The following OMA1 variants were observed in gnomAD, a reference collection of about 807,000 sequenced individuals.
OMA1 encodes metalloendopeptidase OMA1, mitochondrial.
OMA1 carries 38 observed loss-of-function variants against 30.9 expected under a neutral mutation model. The observed-to-expected ratio is 1.23, with a 90% CI of 0.95 to 1.61. The LOEUF (loss-of-function observed/expected upper bound fraction) is 1.61, where lower values mean the gene tolerates loss of function less well. Among genes scored for constraint, OMA1 ranks in the 40% most tolerant of loss-of-function variants. The pLI is 0.00. For missense variants in OMA1, 461 were observed against 349.2 expected (o/e 1.32, Z -2.55); for synonymous variants, 173 against 121.9 (o/e 1.42, Z -2.76).
At position 58,533,731 on chromosome 1, in the gene OMA1, T is replaced by C. The variant is rs545352773; in HGVS notation, c.1011+222A>G. 1.1e-4 allele frequency among the ~76,000 whole-genome samples: 17 copies of C among 152,268 alleles called. No homozygotes were observed. In the East Asian group the frequency reaches 2.5e-3, roughly 22 times the overall value. On this transcript the variant is annotated intron_variant, in intron 5 of 8. Coordinates refer to ENST00000371226, the MANE Select transcript of OMA1 (RefSeq NM_145243.5). ...TAGCAAAAGAGACAGGTGATAAAAA[T>C]AGTATTTAAGAAAAATATTATTCAG...
At chr1:58,527,877 C>T (rs1318472673) in intron 6 of OMA1, among the ~76,000 whole-genome samples, 1 of 152,074 alleles carries the variant, frequency 6.6e-6, no homozygotes, top group East Asian at 1.9e-4. Flanking sequence ...CTTCTGACTT[C>T]AATAAAAAAC....
Position 58,482,830 on chromosome 1 carries a change from G to A in OMA1, c.1366-1656C>T, listed in dbSNP as rs564111888. 3.9e-5 allele frequency among the ~76,000 whole-genome samples: 6 copies of A among 152,246 alleles called. No homozygotes were observed. In the East Asian group the frequency reaches 9.7e-4, roughly 25 times the overall value. ...GAACAGTGAAGAAGCAGGTACAGCC[G>A]AGTGGAGCAGGGTGGAGGGCAGGAG... On this transcript the variant is annotated intron_variant, in intron 8 of 8. Transcript: ENST00000371226.
In OMA1 at chr1:58,539,304, T is replaced by G. The variant is rs1646566460; in HGVS notation, c.-10A>C. The G allele has an allele frequency of 1.2e-6, 1 of 815,492 alleles. No homozygotes were observed. The highest frequency in any genetic ancestry group is 2.2e-5 in the Admixed American group (1 of 45,332). The allele number at this position is 815,492 out of a possible 1,614,324, so 50.5% of individuals were successfully genotyped here. A position where few individuals can be genotyped will look rare whatever the true frequency, so the allele number is the denominator to read the frequency against. ...CACAGATGAAGCTCATTTTTTCACT[T>G]GACTACCTGAAACAAAAAAAAAACT... On this transcript the variant is annotated 5_prime_UTR_variant, in exon 2 of 9. Transcript: ENST00000371226.
intron 1 of OMA1, among the ~76,000 whole-genome samples, chr1:58,544,692 C>G (rs1379349159): frequency 6.6e-6 from 1 of 152,142 alleles, no homozygotes; most frequent in African/African-American, 2.4e-5. Context: ...CTCTTGGGTT[C>G]AAGCAATTCT....
chr1:58,481,326 A>G (rs1645479019), intron 8 of OMA1, 152 bp from the exon 9 acceptor site: 1 of 382,056 alleles, frequency 2.6e-6, no homozygotes, highest in African/African-American at 2.1e-5. Flanking sequence ...ATAAAAGAGA[A>G]CCACTGAAAA....
chr1:58,481,174 C>A lies in OMA1; in HGVS notation c.1366G>T (p.Ala456Ser). 1.2e-6 allele frequency: 1 copy of A among 811,280 alleles called. No individual in the cohort carries two copies. The highest frequency in any genetic ancestry group is 2.1e-6 in the Non-Finnish European group (1 of 476,756). The allele number at this position is 811,280 out of a possible 1,614,324, so 50.3% of individuals were successfully genotyped here. A position where few individuals can be genotyped will look rare whatever the true frequency, so the allele number is the denominator to read the frequency against. Residue 456 changes from alanine to serine, a missense_variant and splice_region_variant, in exon 9 of 9, where the codon GCT (alanine) becomes TCT (serine). Ala to Ser is a moderately conservative substitution (Grantham distance 99). Transcript: ENST00000371226. ...TTACACATCTCTCTAATTTTGAGAG[C>A]CTATAAAGAAATAATAAAATAAAAA... The part of the protein sequence containing the change: ...VEYLDRLIPQ[A>S]LKIREMCNCP...
chr1:58,508,206 G>A (rs1646020043), intron 7 of OMA1, among the ~76,000 whole-genome samples: 1 of 152,170 alleles, frequency 6.6e-6, no homozygotes, highest in African/African-American at 2.4e-5. Flanking sequence ...GTTAAGATAA[G>A]AGTGTTGAGT....
At chr1:58,519,205 C>T (rs1646222051) in intron 7 of OMA1, among the ~76,000 whole-genome samples, 1 of 152,264 alleles carries the variant, frequency 6.6e-6, no homozygotes, top group South Asian at 2.1e-4. Context: ...TTTCCACTGC[C>T]AATCCTCAAA....
intron 6 of OMA1, among the ~76,000 whole-genome samples, chr1:58,529,044 C>T (rs199895495): frequency 6.6e-6 from 1 of 152,118 alleles, no homozygotes; most frequent in African/African-American, 2.4e-5. Context: ...CACATTAATT[C>T]TTTTAATTTC....
intron 1 of OMA1, among the ~76,000 whole-genome samples, chr1:58,539,615 G>A (rs953331781): frequency 1.4e-4 from 22 of 152,170 alleles, no homozygotes; most frequent in African/African-American, 5.1e-4. Context: ...CAATAAAGTG[G>A]ATTAGATAAA....
At chr1:58,503,212 G>C (rs922597375) in intron 8 of OMA1, among the ~76,000 whole-genome samples, 1 of 152,080 alleles carries the variant, frequency 6.6e-6, no homozygotes, top group Non-Finnish European at 1.5e-5. Flanking sequence ...AAATTCAAGA[G>C]AAAATCATAT....
intron 8 of OMA1, among the ~76,000 whole-genome samples, chr1:58,502,080 A>C (rs1221194625): frequency 6.6e-6 from 1 of 152,206 alleles, no homozygotes; most frequent in Non-Finnish European, 1.5e-5. Context: ...TGAATGCATA[A>C]AGTGTAAATT....
chr1:58,494,143 A>T (rs141345839), intron 8 of OMA1, among the ~76,000 whole-genome samples: 2 of 152,216 alleles, frequency 1.3e-5, no homozygotes, highest in Non-Finnish European at 2.9e-5. Context: ...TCTTTGACAA[A>T]CCTGACAAAA....
intron 8 of OMA1, among the ~76,000 whole-genome samples, chr1:58,495,097 G>T (rs1300524141): frequency 2.0e-5 from 3 of 152,054 alleles, no homozygotes; most frequent in African/African-American, 7.2e-5. Flanking sequence ...CCATAAAAAA[G>T]GATGAGTTCA....
intron 3 of OMA1, among the ~76,000 whole-genome samples, chr1:58,534,850 C>T (rs1030309144): frequency 2.0e-5 from 3 of 152,092 alleles, no homozygotes; most frequent in East Asian, 1.9e-4. Context: ...GTGGGAGGAT[C>T]GCTTGAGTCT....
At chr1:58,494,787 G>A (rs1645766312) in intron 8 of OMA1, among the ~76,000 whole-genome samples, 1 of 152,336 alleles carries the variant, frequency 6.6e-6, no homozygotes, top group Middle Eastern at 3.4e-3. Flanking sequence ...TGGAGAGGAT[G>A]TGGAGAAATA....
In OMA1 at chr1:58,488,146, A is replaced by G. The variant is rs545725349; in HGVS notation, c.1366-6972T>C. ...AGATTTAGTAAAAACTCATGAAAAT[A>G]TAACTACATCATTATAAAGTTCATT... is the stretch of plus-strand genomic sequence containing the variant. On this transcript the variant is annotated intron_variant, in intron 8 of 8. Coordinates refer to ENST00000371226, the MANE Select transcript of OMA1 (RefSeq NM_145243.5). 5.3e-5 allele frequency among the ~76,000 whole-genome samples: 8 copies of G among 152,316 alleles called. No individual in the cohort carries two copies. In the East Asian group the frequency reaches 1.3e-3, roughly 26 times the overall value.
At position 58,530,940 on chromosome 1, in the gene OMA1, C is replaced by G. The variant is rs1646425696; in HGVS notation, c.1012-211G>C. Among the ~76,000 whole-genome samples, 4 of 152,158 alleles carry G rather than the reference C, an allele frequency of 2.6e-5. No homozygotes were observed. The South Asian group carries it at 8.3e-4, about 32-fold the overall frequency. ...ACCTATTCATTCATTTAACTAGTATCTACTAAGCCACTTACTATTAGTCAG... is the reference window on the plus strand; with the variant it reads ...ACCTATTCATTCATTTAACTAGTATGTACTAAGCCACTTACTATTAGTCAG... On this transcript the variant is annotated intron_variant, in intron 5 of 8. Coordinates refer to ENST00000371226, the MANE Select transcript of OMA1 (RefSeq NM_145243.5).
intron 5 of OMA1, among the ~76,000 whole-genome samples, chr1:58,533,147 A>G (rs574358182): frequency 1.3e-5 from 2 of 152,210 alleles, no homozygotes; most frequent in African/African-American, 4.8e-5. Flanking sequence ...TGTGAAACAG[A>G]TGTGTTATTT....
Sources: allele counts gnomAD v4.1 joint callset (sites outside exome capture counted in the v4.1 genomes callset), GRCh38; gene constraint gnomAD v4.1.1; transcripts MANE v1.5; gene names NCBI Gene and HGNC (gene_info 2026-07-23, HGNC 2026-07-21).